CCDC60: variants seen among roughly 807,000 people sequenced by gnomAD.
The protein encoded by CCDC60 is coiled-coil domain-containing protein 60.
In CCDC60, 54 loss-of-function variants were observed where a neutral mutation model predicts 63.5. The observed-to-expected ratio is 0.85, with a 90% confidence interval of 0.68 to 1.07. The LOEUF is 1.07. Among genes scored for constraint, CCDC60 ranks in the 50% least tolerant of loss-of-function variants. The pLI is 0.00. For missense variants in CCDC60, 651 were observed against 684.3 expected, an observed-to-expected ratio of 0.95 and a Z score of 0.54; for synonymous variants, 206 against 238.8, an observed-to-expected ratio of 0.86 and a Z score of 1.27.
chr12:119,367,859 G>T (rs1263780908), intron 1 of CCDC60, among the ~76,000 whole-genome samples: 5 of 151,738 alleles, frequency 3.3e-5, no homozygotes, highest in Admixed American at 3.3e-4. Context: ...GGGTTTCCAG[G>T]GGCTCAGAAG....
chr12:119,498,211 C>A (rs925368816), intron 5 of CCDC60, among the ~76,000 whole-genome samples: 11 of 152,196 alleles, frequency 7.2e-5, no homozygotes, highest in Non-Finnish European at 1.3e-4. Context: ...ATCTTGATCA[C>A]CTTTTGCCTT....
intron 8 of CCDC60, among the ~76,000 whole-genome samples, chr12:119,518,102 G>A (rs1233623813): frequency 2.0e-5 from 3 of 152,088 alleles, no homozygotes; most frequent in Non-Finnish European, 4.4e-5. Flanking sequence ...TGATGAATTC[G>A]CTGGCTGCTG....
At chr12:119,411,212 T>G (rs1420760339) in intron 1 of CCDC60, among the ~76,000 whole-genome samples, 1 of 152,152 alleles carries the variant, frequency 6.6e-6, no homozygotes, top group Non-Finnish European at 1.5e-5. Flanking sequence ...AGGGGAGGTG[T>G]GCTTAGGAAG....
chr12:119,385,352 G>A (rs1465918741), intron 1 of CCDC60, among the ~76,000 whole-genome samples: 1 of 152,178 alleles, frequency 6.6e-6, no homozygotes, highest in African/African-American at 2.4e-5. Context: ...ATCTTGAATT[G>A]TAGCTCCCAT....
At chr12:119,403,126 A>G (rs1415027855) in intron 1 of CCDC60, among the ~76,000 whole-genome samples, 2 of 152,208 alleles carry the variant, frequency 1.3e-5, no homozygotes, top group Non-Finnish European at 2.9e-5. Flanking sequence ...CTAGGCTCAC[A>G]TTCTTCCATG....
At chr12:119,433,303 A>T (rs1950265642) in intron 2 of CCDC60, 1 of 662,004 alleles carries the variant, frequency 1.5e-6, no homozygotes, top group South Asian at 1.7e-5. Context: ...GCCACTCTTC[A>T]GTTGGTCAGC....
intron 10 of CCDC60, 133 bp downstream of exon 10, chr12:119,523,134 A>T (rs973645552): frequency 3.6e-6 from 3 of 836,254 alleles, no homozygotes; most frequent in Non-Finnish European, 6.1e-6. Context: ...CTGAAGGACA[A>T]GGGATCCCCC....
intron 1 of CCDC60, among the ~76,000 whole-genome samples, chr12:119,405,716 T>C (rs1238383264): frequency 6.6e-6 from 1 of 152,208 alleles, no homozygotes; most frequent in Non-Finnish European, 1.5e-5. Flanking sequence ...ATATAAGTTT[T>C]ACGTGTATTT....
intron 1 of CCDC60, among the ~76,000 whole-genome samples, chr12:119,383,557 G>A (rs2136187594): frequency 6.6e-6 from 1 of 152,372 alleles, no homozygotes; most frequent in African/African-American, 2.4e-5. Context: ...ATGATGGGCT[G>A]TGTGCGAGAG....
In CCDC60 at chr12:119,529,434, G is replaced by A. The variant is rs533334222; in HGVS notation, c.1361+688G>A. Among the ~76,000 whole-genome samples the A allele has an allele frequency of 3.3e-5, 5 of 152,290 alleles. No homozygotes were observed. The Middle Eastern group carries it at 0.01, about 311-fold the overall frequency. Reference sequence around the variant, plus strand: ...TCGAACTCCTGTCTAACCTCAGTCTGTGTGCTCATTTGCAATACAGAATTG... The same window carrying A: ...TCGAACTCCTGTCTAACCTCAGTCTATGTGCTCATTTGCAATACAGAATTG... On this transcript the variant is annotated intron_variant, in intron 12 of 13. Coordinates refer to ENST00000327554, the MANE Select transcript of CCDC60 (RefSeq NM_178499.5).
chr12:119,384,197 A>G (rs544356869), intron 1 of CCDC60, among the ~76,000 whole-genome samples: 1 of 150,182 alleles, frequency 6.7e-6, no homozygotes, highest in African/African-American at 2.4e-5. Flanking sequence ...CTCCATCTCA[A>G]AAAAAAAAAG....
At position 119,424,667 on chromosome 12, in the gene CCDC60, TTTAAC is replaced by T. The variant is rs57073124; in HGVS notation, c.91-4012_91-4008del. 6.9e-3 allele frequency among the ~76,000 whole-genome samples: 1,045 copies of T among 152,346 alleles called. 13 individuals are homozygous for T. Among genetic ancestry groups the T allele is most frequent in the African/African-American group, 0.022 (910 of 41,572 alleles). On this transcript the variant is annotated intron_variant, in intron 1 of 13. Transcript: ENST00000327554. ...ACTTATTTAACTTATTAACTTTTAA[TTTAAC>T]TTATTATTTTTCACTTAATATCAAA...
intron 1 of CCDC60, among the ~76,000 whole-genome samples, chr12:119,370,854 C>T (rs777971573): frequency 5.5e-4 from 84 of 152,042 alleles, no homozygotes; most frequent in Non-Finnish European, 9.7e-4. Context: ...ATAGTGAGAC[C>T]CCATCTCTAC....
At chr12:119,345,086 C>A (rs913822904) in intron 1 of CCDC60, among the ~76,000 whole-genome samples, 1 of 152,130 alleles carries the variant, frequency 6.6e-6, no homozygotes, top group African/African-American at 2.4e-5. Flanking sequence ...TTTGTTGCCA[C>A]CACTTTGGTA....
At chr12:119,360,993 A>G (rs1393026850) in intron 1 of CCDC60, among the ~76,000 whole-genome samples, 6 of 152,070 alleles carry the variant, frequency 3.9e-5, no homozygotes, top group African/African-American at 9.6e-5. Context: ...AAAACCAGTC[A>G]GGCGTGGCGG....
At chr12:119,392,664 G>A (rs921577043) in intron 1 of CCDC60, among the ~76,000 whole-genome samples, 3 of 152,128 alleles carry the variant, frequency 2.0e-5, no homozygotes, top group African/African-American at 7.2e-5. Flanking sequence ...AAATATTTAC[G>A]GGATGAATGA....
intron 1 of CCDC60, among the ~76,000 whole-genome samples, chr12:119,350,371 T>G (rs1454257832): frequency 1.3e-5 from 2 of 151,994 alleles, no homozygotes; most frequent in African/African-American, 4.8e-5. Flanking sequence ...CTAATTTTTT[T>G]GTATTTTTAG....
chr12:119,432,543 A>T (rs1950249409), intron 2 of CCDC60, among the ~76,000 whole-genome samples: 2 of 152,206 alleles, frequency 1.3e-5, no homozygotes, highest in Admixed American at 1.3e-4. Context: ...AGATGCAAAG[A>T]CATGTCAGAA....
chr12:119,413,320 T>G (rs763535067), intron 1 of CCDC60, among the ~76,000 whole-genome samples: 7 of 152,040 alleles, frequency 4.6e-5, no homozygotes, highest in Non-Finnish European at 1.0e-4. Flanking sequence ...GAGAAAGAGA[T>G]TAAAAGAAAC....
Sources: allele counts gnomAD v4.1 joint callset (sites outside exome capture counted in the v4.1 genomes callset), GRCh38; gene constraint gnomAD v4.1.1; transcripts MANE v1.5; gene names NCBI Gene and HGNC (gene_info 2026-07-23, HGNC 2026-07-21).